The following MGAM variants were observed in gnomAD, a reference collection of about 807,000 sequenced individuals.
The protein encoded by MGAM is maltase-glucoamylase.
Under a neutral mutation model 358.8 loss-of-function variants are expected in MGAM, and 253 were observed. The observed-to-expected ratio is 0.71, with a 90% CI of 0.64 to 0.78. The LOEUF (loss-of-function observed/expected upper bound fraction) is 0.78. Ranked by LOEUF, MGAM falls within the 30% of genes least tolerant of loss-of-function variation. The probability of loss-of-function intolerance (pLI) is 0.00; values close to 1 mark genes in which losing one functional copy is unlikely to be tolerated. For synonymous variants in MGAM, 1,105 were observed against 1,227.1 expected (o/e 0.90, Z 2.08); for missense variants, 3,080 against 3,432.6 (o/e 0.90, Z 2.57).
At chr7:141,995,116 C>T (rs1405276936), upstream of MGAM, among the ~76,000 whole-genome samples, 4 of 152,256 alleles carry the variant, frequency 2.6e-5, no homozygotes, top group East Asian at 5.8e-4. Flanking sequence ...TCCAACCTTG[C>T]CTTATGAATG....
At chr7:142,030,272 G>A in intron 10 of MGAM, 90 bp from the exon 11 acceptor site, 1 of 1,360,212 alleles carries the variant, frequency 7.4e-7, no homozygotes, top group Non-Finnish European at 1.0e-6. Context: ...GAACAGAGTT[G>A]TTTATCCTGA....
intron 56 of MGAM, 36 bp downstream of exon 56, chr7:142,086,364 C>T: frequency 6.9e-7 from 1 of 1,452,418 alleles, no homozygotes; most frequent in Non-Finnish European, 9.4e-7. Context: ...AGTCCCTAGC[C>T]TGAGGGTGGG....
chr7:141,999,887 A>C (rs1236378533), intron 1 of MGAM, among the ~76,000 whole-genome samples: 1 of 151,842 alleles, frequency 6.6e-6, no homozygotes, highest in African/African-American at 2.4e-5. Flanking sequence ...AAGTAAGGTC[A>C]ATCAGATAAT....
intron 2 of MGAM, among the ~76,000 whole-genome samples, chr7:141,987,930 A>T (rs1803779948): frequency 6.6e-6 from 1 of 152,170 alleles, no homozygotes; most frequent in Non-Finnish European, 1.5e-5. Context: ...TCATTTATAC[A>T]TGGGCATTAA....
Position 142,055,950 on chromosome 7 carries a change from C to T in MGAM, c.3484-50C>T, listed in dbSNP as rs567026184. On this transcript the variant is annotated intron_variant, in intron 28 of 70. Transcript: ENST00000475668. ...GCACATTTTTGTTGAGTTTCTTTCTCAGGCATAATGTCTTTTAAACTCCTA... is the reference window on the plus strand; with the variant it reads ...GCACATTTTTGTTGAGTTTCTTTCTTAGGCATAATGTCTTTTAAACTCCTA... 190 of 1,546,118 alleles carry T rather than the reference C, an allele frequency of 1.2e-4. 4 individuals are homozygous for T. The South Asian group carries it at 2.1e-3, about 17-fold the overall frequency.
In MGAM at chr7:142,044,335, A is replaced by AAT. The variant is rs548988095; in HGVS notation, c.2499-3440_2499-3439dup. 4.3e-5 allele frequency among the ~76,000 whole-genome samples: 6 copies of AAT among 140,392 alleles called. 1 individual carries two copies. The highest frequency in any genetic ancestry group is 1.3e-4 in the African/African-American group (5 of 39,222). The allele number at this position is 140,392 out of a possible 152,430, so 92.1% of individuals were successfully genotyped here. On this transcript the variant is annotated intron_variant, in intron 21 of 70. Coordinates refer to ENST00000475668, the MANE Select transcript of MGAM (RefSeq NM_001365693.1). Reference sequence around the variant, plus strand: ...TATACACATACGATATATAATATATAATATATATATAATATACACATACGA... The same window carrying AAT: ...TATACACATACGATATATAATATATAATATATATATATAATATACACATACGA...
intron 64 of MGAM, chr7:142,096,114 A>G: frequency 3.2e-6 from 2 of 619,084 alleles, no homozygotes; most frequent in East Asian, 2.8e-5. Context: ...TTTACAAGAG[A>G]GAATACATCT....
At chr7:141,992,810 T>G (rs1021727707), upstream of MGAM, among the ~76,000 whole-genome samples, 3 of 152,148 alleles carry the variant, frequency 2.0e-5, no homozygotes, top group Non-Finnish European at 4.4e-5. Flanking sequence ...CTTGAACTCC[T>G]GGGCTCAAGT....
chr7:142,055,895 T>G (rs1811475500), intron 28 of MGAM, 105 bp from the exon 29 acceptor site: 1 of 1,460,418 alleles, frequency 6.8e-7, no homozygotes, highest in African/African-American at 1.4e-5. Context: ...GTGTCTAGTT[T>G]CATGGAGAAA....
At chr7:141,999,494 G>A (rs1554450009) in intron 1 of MGAM, among the ~76,000 whole-genome samples, 1 of 152,132 alleles carries the variant, frequency 6.6e-6, no homozygotes, top group South Asian at 2.1e-4. Flanking sequence ...ATGACATCAG[G>A]CAGTTTATTT....
At chr7:142,030,220 C>A in intron 10 of MGAM, 142 bp from the exon 11 acceptor site, 8 of 870,170 alleles carry the variant, frequency 9.2e-6, no homozygotes, top group Non-Finnish European at 1.2e-5. Context: ...AAAAGAAGTA[C>A]TCAGATGCCA....
chr7:141,991,586 G>T (rs1210702427), upstream of MGAM, among the ~76,000 whole-genome samples: 1 of 151,888 alleles, frequency 6.6e-6, no homozygotes, highest in Non-Finnish European at 1.5e-5. Context: ...ATAGGCACGC[G>T]CTACCATGCC....
chr7:142,040,091 G>T, intron 19 of MGAM, 24 bp from the exon 20 acceptor site: 1 of 1,576,016 alleles, frequency 6.3e-7, no homozygotes, highest in East Asian at 2.2e-5. Context: ...TCCCTCAGGG[G>T]ACACTACATT....
At chr7:141,991,902 C>T (rs1803963916), upstream of MGAM, among the ~76,000 whole-genome samples, 1 of 152,144 alleles carries the variant, frequency 6.6e-6, no homozygotes, top group African/African-American at 2.4e-5. Context: ...TGGCCTGAAC[C>T]ATGTTTTTAA....
chr7:142,040,735 G>GCT lies in MGAM; in HGVS notation c.2387_2388insCT (p.Arg796SerfsTer50). 1 of 1,613,186 alleles carries GCT rather than the reference G, an allele frequency of 6.2e-7. No homozygotes were observed. Among genetic ancestry groups the GCT allele is most frequent in the Non-Finnish European group, 8.5e-7 (1 of 1,179,498 alleles). ...TGCATGCATCAGGGGAGCCAAGTGAGATGGAGGAAGCAAAAAGTCGAGATG... is the reference window on the plus strand; with the variant it reads ...TGCATGCATCAGGGGAGCCAAGTGAGCTATGGAGGAAGCAAAAAGTCGAGATG... On this transcript the variant is annotated frameshift_variant, in exon 21 of 71. Coordinates refer to ENST00000475668, the MANE Select transcript of MGAM (RefSeq NM_001365693.1). LOFTEE classifies it high-confidence loss of function.
intron 25 of MGAM, 145 bp downstream of exon 25, chr7:142,052,591 T>G: frequency 7.6e-7 from 1 of 1,314,164 alleles, no homozygotes; most frequent in Non-Finnish European, 1.0e-6. Context: ...GACAAGTAGG[T>G]GGGGACATGT....
At chr7:142,079,111 A>G (rs1814001415) in intron 49 of MGAM, 103 bp downstream of exon 49, 5 of 1,033,466 alleles carry the variant, frequency 4.8e-6, no homozygotes, top group South Asian at 3.0e-5. Flanking sequence ...ATCATGCTAC[A>G]TTAGACTATG....
In MGAM at chr7:142,086,143, GGA is replaced by G. The variant is rs984605254; in HGVS notation, c.6637-73_6637-72del. The G allele has an allele frequency of 5.6e-5, 81 of 1,434,120 alleles. 1 individual carries two copies. The African/African-American group carries it at 1.0e-3, about 18-fold the overall frequency. 88.8% of individuals were successfully genotyped at this position (1,434,120 alleles called of 1,614,324 possible). A position where few individuals can be genotyped will look rare whatever the true frequency, so the allele number is the denominator to read the frequency against. On this transcript the variant is annotated intron_variant, in intron 55 of 70. Coordinates refer to ENST00000475668, the MANE Select transcript of MGAM (RefSeq NM_001365693.1). ...TAGAAGCCAACAAGTTCGCCCTGGAGGAGTTCTCCTTCATTCTGTTTCTCTTC... is the reference window on the plus strand; with the variant it reads ...TAGAAGCCAACAAGTTCGCCCTGGAGGTTCTCCTTCATTCTGTTTCTCTTC...
At chr7:142,082,259 A>G (rs1267194471) in intron 51 of MGAM, 49 bp downstream of exon 51, 1 of 1,525,388 alleles carries the variant, frequency 6.6e-7, no homozygotes, top group Admixed American at 1.8e-5. Context: ...CTCCACCCAC[A>G]CTGCTCAGGC....
Sources: gnomAD v4.1 joint callset for allele counts (sites outside exome capture counted in the v4.1 genomes callset) on GRCh38, gnomAD v4.1.1 for gene constraint, MANE v1.5 for transcripts, NCBI Gene and HGNC (gene_info 2026-07-23, HGNC 2026-07-21) for gene names.